The following FBN3 variants were observed in gnomAD, a reference collection of about 807,000 sequenced individuals.
FBN3 encodes the protein fibrillin 3, also known as fibrillin-3.
A neutral mutation model predicts 330.1 loss-of-function variants in FBN3; 234 were observed. The observed-to-expected ratio is 0.71, with a 90% CI of 0.64 to 0.79. The LOEUF (loss-of-function observed/expected upper bound fraction) is 0.79. FBN3 is among the 30% of genes least tolerant of loss of function. FBN3 has a pLI of 0.00. For synonymous variants in FBN3, 1,458 were observed against 1,517.3 expected (o/e 0.96, Z 0.91); for missense variants, 3,606 against 3,886.9 (o/e 0.93, Z 1.92).
chr19:8,086,615 C>T (rs928211498), intron 54 of FBN3, among the ~76,000 whole-genome samples: 4 of 112,002 alleles, frequency 3.6e-5, no homozygotes, highest in Non-Finnish European at 5.5e-5. Context: ...CGCCGCCACG[C>T]CCAGCTATTT....
intron 40 of FBN3, 26 bp downstream of exon 40, chr19:8,102,698 G>C: frequency 1.2e-6 from 2 of 1,602,638 alleles, no homozygotes; most frequent in Non-Finnish European, 1.7e-6. Flanking sequence ...GCCAGGCTGG[G>C]AAGAAGGTTG....
chr19:8,135,936 G>GGGGGGGGGGGGGGGGGCGCCCCCCCC, intron 13 of FBN3, 25 bp downstream of exon 13: 3 of 668,776 alleles, frequency 4.5e-6, no homozygotes, highest in Non-Finnish European at 4.8e-6. Flanking sequence ...GGAAGCCCCT[G>GGGGGGGGGGGGGGGGGCGCCCCCCCC]CCCACCCGCC....
In FBN3 at chr19:8,081,412, G is replaced by C. The variant is rs756495869; in HGVS notation, c.7282C>G (p.Leu2428Val). 2.5e-5 allele frequency: 41 copies of C among 1,612,544 alleles called. No homozygotes were observed. The Admixed American group carries it at 6.2e-4, about 24-fold the overall frequency. The change falls in exon 58 of 64, where the codon CTG (leucine) becomes GTG (valine). Residue 2428 changes from leucine (L) to valine (V), a missense_variant. Physicochemically the swap from Leu to Val is conservative, Grantham distance 32. Coordinates refer to ENST00000600128, the MANE Select transcript of FBN3 (RefSeq NM_032447.5). ...AGGTAGCCTCGGGGACAGCTGCACA[G>C]GAAACTGCCCTTCGTGTTTTTGCAG... ...FLCKNTKGSF[L>V]CSCPRGYLLE...
chr19:8,126,695 G>A lies in FBN3; in HGVS notation c.2416+18C>T. ...ACGCCCAGCCTCTGGAACGCCGTCG[G>A]GCTCCGGGGCCGCTCACCTAGACAG... On this transcript the variant is annotated intron_variant, in intron 19 of 63. Coordinates refer to ENST00000600128, the MANE Select transcript of FBN3 (RefSeq NM_032447.5). 1 of 1,581,640 alleles carries A rather than the reference G, an allele frequency of 6.3e-7. No individual in the cohort carries two copies. The highest frequency in any genetic ancestry group is 1.2e-5 in the South Asian group (1 of 86,784).
intron 32 of FBN3, 59 bp from the exon 33 acceptor site, chr19:8,111,242 G>A (rs1742375179): frequency 6.6e-7 from 1 of 1,525,258 alleles, no homozygotes. Flanking sequence ...CACACAGGGT[G>A]GGCAGGAGGC....
chr19:8,116,752 A>T lies in FBN3; in HGVS notation c.3634T>A (p.Cys1212Ser). The change falls in exon 29 of 64, where the codon TGC becomes AGC. Residue 1212 changes from cysteine (C) to serine (S), a missense_variant. Coordinates refer to ENST00000600128, the MANE Select transcript of FBN3 (RefSeq NM_032447.5). ...CGGTGACCCCCTGGCATGTTGGTGC[A>T]GTGGCCTTGGTCACAAACGCGGGGG... ...ENPRVCDQGHCTNMPGGHRCL... is the reference protein window; with the variant it reads ...ENPRVCDQGHSTNMPGGHRCL... 6.2e-7 allele frequency: 1 copy of T among 1,613,980 alleles called. No homozygotes were observed. Among genetic ancestry groups the T allele is most frequent in the Non-Finnish European group, 8.5e-7 (1 of 1,179,948 alleles).
At position 8,146,242 on chromosome 19, in the gene FBN3, G is replaced by A. The variant is rs1469206780; in HGVS notation, c.251-17C>T. ...TACAGATGGCTGGATGAGTGCAGCG[G>A]GTGGCAGTCAAGACCAGGACCGAGC... On this transcript the variant is annotated splice_polypyrimidine_tract_variant and intron_variant, in intron 3 of 63. Coordinates refer to ENST00000600128, the MANE Select transcript of FBN3 (RefSeq NM_032447.5). 1 of 1,572,780 alleles carries A rather than the reference G, an allele frequency of 6.4e-7. No individual in the cohort carries two copies. Among genetic ancestry groups the A allele is most frequent in the East Asian group, 2.3e-5 (1 of 43,398 alleles).
intron 61 of FBN3, 189 bp downstream of exon 61, chr19:8,074,882 C>T (rs767276770): frequency 4.5e-6 from 3 of 671,262 alleles, no homozygotes; most frequent in Non-Finnish European, 7.0e-6. Flanking sequence ...AACTCAGACA[C>T]TTTTTGATGC....
Position 8,094,318 on chromosome 19 carries a change from G to A in FBN3, c.5905+128C>T, listed in dbSNP as rs1445261169. ...CAGAATGACAATAATAGTTTATGAA[G>A]CTGTGTTTGACGCTGCGTTAAGTAC... On this transcript the variant is annotated intron_variant, in intron 47 of 63. Transcript: ENST00000600128. 11 of 974,572 alleles carry A rather than the reference G, an allele frequency of 1.1e-5. No homozygotes were observed. In the East Asian group the frequency reaches 3.0e-4, roughly 27 times the overall value. The allele number at this position is 974,572 out of a possible 1,614,324, so 60.4% of individuals were successfully genotyped here.
intron 41 of FBN3, among the ~76,000 whole-genome samples, chr19:8,098,703 T>A (rs902136615): frequency 2.0e-5 from 3 of 152,204 alleles, no homozygotes; most frequent in African/African-American, 7.2e-5. Context: ...CATAACTCTG[T>A]GAATGTATTC....
chr19:8,085,912 C>T (rs2081933222), intron 55 of FBN3, among the ~76,000 whole-genome samples: 1 of 150,456 alleles, frequency 6.6e-6, no homozygotes, highest in Non-Finnish European at 1.5e-5. Context: ...TCAGCAACCC[C>T]CTGGGTTGCC....
At position 8,095,472 on chromosome 19, in the gene FBN3, C is replaced by T; in HGVS notation, c.5688G>A (p.Gln1896=). 1 of 1,613,842 alleles carries T rather than the reference C, an allele frequency of 6.2e-7. No homozygotes were observed. The highest frequency in any genetic ancestry group is 8.5e-7 in the Non-Finnish European group (1 of 1,179,816). ...TGAGGCAATGGCCAAATCGGCACAC[C>T]TGCCCCACCAGGGTAGTACACTCAT... The part of the protein sequence containing the change: ...DFDECTTLVG[Q]VCRFGHCLNT... Residue 1896 remains glutamine, a synonymous_variant, in exon 46 of 64, where the codon CAG becomes CAA. Coordinates refer to ENST00000600128, the MANE Select transcript of FBN3 (RefSeq NM_032447.5).
rs375725892 is a variant in FBN3, at chr19:8,106,204, G to A, written c.4717C>T (p.Leu1573=). Reference sequence around the variant, plus strand: ...TTGACGCAGTCACCCCCCTGACACAGCCCTGGCAGCTCTTGGCACTCGTCG... The same window carrying A: ...TTGACGCAGTCACCCCCCTGACACAACCCTGGCAGCTCTTGGCACTCGTCG... ...DIDECQELPG[L]CQGGDCVNTF... Residue 1573 remains leucine (L), a synonymous_variant, in exon 38 of 64, where the codon CTG becomes TTG. Coordinates refer to ENST00000600128, the MANE Select transcript of FBN3 (RefSeq NM_032447.5). 22 of 1,614,058 alleles carry A rather than the reference G, an allele frequency of 1.4e-5. No homozygotes were observed. The highest frequency in any genetic ancestry group is 1.6e-5 in the Non-Finnish European group (19 of 1,180,032).
chr19:8,104,352 T>C (rs879467816), intron 38 of FBN3, among the ~76,000 whole-genome samples: 16 of 151,532 alleles, frequency 1.1e-4, no homozygotes, highest in Admixed American at 2.6e-4. Context: ...ACGCCTGTGG[T>C]CCCAGCTACT....
chr19:8,130,226 G>C (rs1484679369), intron 16 of FBN3, among the ~76,000 whole-genome samples: 1 of 151,422 alleles, frequency 6.6e-6, no homozygotes, highest in Non-Finnish European at 1.5e-5. Context: ...AAATTGGCTG[G>C]GCATGGCAGC....
Position 8,102,814 on chromosome 19 carries a change from A to C in FBN3, c.4999T>G (p.Phe1667Val). 1 of 1,614,142 alleles carries C rather than the reference A, an allele frequency of 6.2e-7. No individual in the cohort carries two copies. The highest frequency in any genetic ancestry group is 8.5e-7 in the Non-Finnish European group (1 of 1,180,034). Residue 1667 changes from phenylalanine (F) to valine (V), a missense_variant, in exon 40 of 64, where the codon TTC (phenylalanine) becomes GTC (valine). Coordinates refer to ENST00000600128, the MANE Select transcript of FBN3 (RefSeq NM_032447.5). ...YNGTCQNELA[F>V]NVTRKMCCCS... is the part of the protein sequence containing the mutation. ...CAACACATTTTCCGGGTCACGTTGA[A>C]GGCCAGCTCATTTTGACATGTGCCG...
Position 8,094,496 on chromosome 19 carries a change from A to G in FBN3, c.5855T>C (p.Phe1952Ser), listed in dbSNP as rs1268131776. The G allele has an allele frequency of 3.7e-6, 6 of 1,613,774 alleles. No homozygotes were observed. The highest frequency in any genetic ancestry group is 5.1e-6 in the Non-Finnish European group (6 of 1,179,880). Residue 1952 changes from phenylalanine (F) to serine (S), a missense_variant, in exon 47 of 64, where the codon TTC becomes TCC. Coordinates refer to ENST00000600128, the MANE Select transcript of FBN3 (RefSeq NM_032447.5). The part of the protein sequence containing the change: ...PGTCQNLEGS[F>S]RCICPPGFQV... ...GAAGCCAGGGGGACAGATGCAGCGG[A>G]AGGAGCCCTCGAGGTTCTGGCAAGT...
chr19:8,144,135 T>C (rs1386502368), intron 6 of FBN3, among the ~76,000 whole-genome samples: 7 of 151,782 alleles, frequency 4.6e-5, no homozygotes, highest in Admixed American at 2.0e-4. Context: ...AGAGTTAGGG[T>C]GACTGGGTGT....
chr19:8,136,402 C>T lies in FBN3; in HGVS notation c.1331G>A (p.Arg444His), dbSNP rs774085552. 5.2e-5 allele frequency: 84 copies of T among 1,613,894 alleles called. No individual in the cohort carries two copies. Among genetic ancestry groups the T allele is most frequent in the Non-Finnish European group, 6.0e-5 (71 of 1,179,950 alleles). Residue 444 changes from arginine to histidine, a missense_variant, in exon 11 of 64, where the codon CGC becomes CAC. Coordinates refer to ENST00000600128, the MANE Select transcript of FBN3 (RefSeq NM_032447.5). ...ECNVGYTQDV[R>H]GECIDVDECT... ...CCGCGGCTCACCAATGCACTCGCCG[C>T]GCACGTCCTGGGTGTAGCCCACGTT...
Sources: allele counts gnomAD v4.1 joint callset (sites outside exome capture counted in the v4.1 genomes callset), GRCh38; gene constraint gnomAD v4.1.1; transcripts MANE v1.5; gene names NCBI Gene and HGNC (gene_info 2026-07-23, HGNC 2026-07-21).